FLT4: variants seen among roughly 807,000 people sequenced by gnomAD.
The protein encoded by FLT4 is fms related receptor tyrosine kinase 4, also known as vascular endothelial growth factor receptor 3.
A neutral mutation model predicts 163.2 loss-of-function variants in FLT4; 30 were observed. That is an observed-to-expected ratio of 0.18 (90% confidence interval 0.14 to 0.25). FLT4 has a LOEUF of 0.25. FLT4 is among the 10% of genes least tolerant of loss of function. The pLI, the probability that FLT4 is intolerant of heterozygous loss-of-function variation, is 1.00. For missense variants in FLT4, 1,510 were observed against 1,863.8 expected (o/e 0.81, Z 3.50); for synonymous variants, 884 against 789.5 (o/e 1.12, Z -2.01).
chr5:180,606,904 A>AAGC, intron 29 of FLT4, among the ~76,000 whole-genome samples: 1 of 122,704 alleles, frequency 8.1e-6, no homozygotes, highest in South Asian at 2.6e-4. Flanking sequence ...AAAAAAAAAA[A>AAGC]AAAAAAAAAA....
Position 180,620,776 on chromosome 5 carries a change from G to C in FLT4, c.2300-61C>G. ...TGTGTGTAAGAGCGTGCACCTGCAG[G>C]CAGCACCCCTTCTGGTGGCCACGAC... On this transcript the variant is annotated intron_variant, in intron 15 of 29. Coordinates refer to ENST00000261937, the MANE Select transcript of FLT4 (RefSeq NM_182925.5). This position sits in a 1 kb window ranked among gnomAD's most constrained non-coding sequence, Gnocchi z 4.4. The C allele has an allele frequency of 6.3e-7, 1 of 1,596,282 alleles. No individual in the cohort carries two copies. Among genetic ancestry groups the C allele is most frequent in the Non-Finnish European group, 8.6e-7 (1 of 1,166,264 alleles).
chr5:180,615,407 T>C (rs1282692273), intron 23 of FLT4, among the ~76,000 whole-genome samples: 1 of 126,278 alleles, frequency 7.9e-6, no homozygotes, highest in Non-Finnish European at 1.7e-5. Context: ...GTCCCGCTGG[T>C]CACCTCCCTT....
In FLT4 at chr5:180,620,167, C is replaced by T. The variant is rs1412266400; in HGVS notation, c.2542+6G>A. The T allele has an allele frequency of 1.2e-6, 2 of 1,604,766 alleles. No individual in the cohort carries two copies. The highest frequency in any genetic ancestry group is 8.5e-7 in the Non-Finnish European group (1 of 1,179,108). ...TGTGGGTTGGGCAGGCTGGTGCTGGCCTCACCCAGGTGCAGCCGCTCTCGG... is the reference window on the plus strand; with the variant it reads ...TGTGGGTTGGGCAGGCTGGTGCTGGTCTCACCCAGGTGCAGCCGCTCTCGG... On this transcript the variant is annotated splice_donor_region_variant and intron_variant, in intron 17 of 29. Transcript: ENST00000261937. This position sits in a 1 kb window ranked among gnomAD's most constrained non-coding sequence, Gnocchi z 4.4.
At chr5:180,647,324 C>T (rs376888701) in intron 1 of FLT4, among the ~76,000 whole-genome samples, 1 of 152,182 alleles carries the variant, frequency 6.6e-6, no homozygotes, top group Non-Finnish European at 1.5e-5. Flanking sequence ...CACACAACCT[C>T]GGGGCTTGCC....
chr5:180,622,701 A>T, intron 12 of FLT4, 30 bp downstream of exon 12: 1 of 1,426,538 alleles, frequency 7.0e-7, no homozygotes, highest in Non-Finnish European at 9.9e-7. Flanking sequence ...CCCTGTACCC[A>T]GGCCTCCCCG....
At position 180,621,869 on chromosome 5, in the gene FLT4, A is replaced by G. The variant is rs765501058; in HGVS notation, c.1693T>C (p.Ser565Pro). Residue 565 changes from serine (S) to proline (P), a missense_variant, in exon 13 of 30, where the codon TCC (serine) becomes CCC (proline). Coordinates refer to ENST00000261937, the MANE Select transcript of FLT4 (RefSeq NM_182925.5). Reference sequence around the variant, plus strand: ...GGCTGGCCCTCTAGTAGCTCCTCGGATGGCTTGGATTCGATGGTGAAGCCG... The same window carrying G: ...GGCTGGCCCTCTAGTAGCTCCTCGGGTGGCTTGGATTCGATGGTGAAGCCG... ...PDGFTIESKP[S>P]EELLEGQPVL... 1.2e-6 allele frequency: 2 copies of G among 1,613,306 alleles called. No individual in the cohort carries two copies. Among genetic ancestry groups the G allele is most frequent in the Non-Finnish European group, 1.7e-6 (2 of 1,179,958 alleles).
At chr5:180,626,340 A>G in intron 8 of FLT4, 75 bp from the exon 9 acceptor site, 6 of 1,541,304 alleles carry the variant, frequency 3.9e-6, no homozygotes, top group Non-Finnish European at 5.3e-6. Flanking sequence ...CCCCCACCCC[A>G]AATACAGTTG....
chr5:180,603,276 C>G lies in FLT4; in HGVS notation c.4008G>C (p.Glu1336Asp). 6.2e-7 allele frequency: 1 copy of G among 1,614,148 alleles called. No individual in the cohort carries two copies. Among genetic ancestry groups the G allele is most frequent in the Non-Finnish European group, 8.5e-7 (1 of 1,180,030 alleles). ...ARGGQVFYNS[E>D]YGELSEPSEE... Reference sequence around the variant, plus strand: ...CGCTTGGCTCCGACAGCTCCCCATACTCGCTGTTGTAAAACACCTGGCCTC... The same window carrying G: ...CGCTTGGCTCCGACAGCTCCCCATAGTCGCTGTTGTAAAACACCTGGCCTC... The change falls in exon 30 of 30, where the codon GAG (glutamate) becomes GAC (aspartate). Residue 1336 changes from glutamate (E) to aspartate (D), a missense_variant. By Grantham distance (45) the Glu-to-Asp change is conservative (BLOSUM62 2). Coordinates refer to ENST00000261937, the MANE Select transcript of FLT4 (RefSeq NM_182925.5).
In FLT4 at chr5:180,623,018, C is replaced by T. The variant is rs560766284; in HGVS notation, c.1549-179G>A. 1.6e-3 allele frequency among the ~76,000 whole-genome samples: 249 copies of T among 152,224 alleles called. No individual in the cohort carries two copies. The highest frequency in any genetic ancestry group is 2.9e-3 in the Non-Finnish European group (199 of 68,002). On this transcript the variant is annotated intron_variant, in intron 11 of 29. Transcript: ENST00000261937. The surrounding 1 kb of genome is among the most constrained non-coding windows in gnomAD (Gnocchi z 5.8). Reference sequence around the variant, plus strand: ...GGATAGTGAGGCAGAGGAGAGAAGGCCCCTGGGCAGCAGAGAGAGGTAGCT... The same window carrying T: ...GGATAGTGAGGCAGAGGAGAGAAGGTCCCTGGGCAGCAGAGAGAGGTAGCT...
In FLT4 at chr5:180,603,326, G is replaced by C. The variant is rs150279372; in HGVS notation, c.3958C>G (p.Arg1320Gly). The C allele has an allele frequency of 6.2e-7, 1 of 1,613,752 alleles. No individual in the cohort carries two copies. Among genetic ancestry groups the C allele is most frequent in the East Asian group, 2.2e-5 (1 of 44,892 alleles). Reference sequence around the variant, plus strand: ...CCTCGGGCCCCCCGCTCAGGCCGCCGCCGCCTCCCTTGGGAGTCAGGGTGT... The same window carrying C: ...CCTCGGGCCCCCCGCTCAGGCCGCCCCCGCCTCCCTTGGGAGTCAGGGTGT... The part of the protein sequence containing the change: ...RAHPDSQGRR[R>G]RPERGARGGQ... Residue 1320 changes from arginine to glycine, a missense_variant, in exon 30 of 30, where the codon CGG becomes GGG. Coordinates refer to ENST00000261937, the MANE Select transcript of FLT4 (RefSeq NM_182925.5).
intron 29 of FLT4, 68 bp from the exon 30 acceptor site, chr5:180,603,458 A>T: frequency 5.6e-6 from 8 of 1,432,604 alleles, no homozygotes; most frequent in African/African-American, 1.4e-5. Context: ...CATACTGGTA[A>T]TCCCAGTACT....
chr5:180,604,219 A>G (rs932310235), intron 29 of FLT4, among the ~76,000 whole-genome samples: 1 of 152,026 alleles, frequency 6.6e-6, no homozygotes, highest in Non-Finnish European at 1.5e-5. Context: ...GTCCAACTTC[A>G]TCCCCCAACC....
At chr5:180,622,679 G>T in intron 12 of FLT4, 52 bp downstream of exon 12, 3 of 1,134,136 alleles carry the variant, frequency 2.6e-6, no homozygotes, top group Non-Finnish European at 4.0e-6. Flanking sequence ...GCCCAAACCT[G>T]CCCCCTCCTG....
In FLT4 at chr5:180,621,683, C is replaced by T. The variant is rs898254186; in HGVS notation, c.1879G>A (p.Val627Met). Residue 627 changes from valine (V) to methionine (M), a missense_variant, in exon 13 of 30, where the codon GTG becomes ATG. Around this residue, in one of 5 missense-constraint regions of FLT4, gnomAD observed 878 missense variants for 1,016.7 expected, o/e 0.86. Coordinates refer to ENST00000261937, the MANE Select transcript of FLT4 (RefSeq NM_182925.5). Reference sequence around the variant, plus strand: ...GTGGCGTGGCGCGCCCCAGGTGCCACCTCCTCCAGGCTGGCGGCCAGAGGG... The same window carrying T: ...GTGGCGTGGCGCGCCCCAGGTGCCATCTCCTCCAGGCTGGCGGCCAGAGGG... ...ATPLAASLEE[V>M]APGARHATLS... 2.5e-6 allele frequency: 4 copies of T among 1,611,716 alleles called. No individual in the cohort carries two copies. Among genetic ancestry groups the T allele is most frequent in the Non-Finnish European group, 3.4e-6 (4 of 1,179,114 alleles).
Position 180,619,305 on chromosome 5 carries a change from G to A in FLT4, c.2709C>T (p.Ile903=), listed in dbSNP as rs2127808367. 2 of 1,611,296 alleles carry A rather than the reference G, an allele frequency of 1.2e-6. No homozygotes were observed. The highest frequency in any genetic ancestry group is 1.7e-6 in the Non-Finnish European group (2 of 1,179,498). ...GGTTGACCACGTTGAGGTGGTTGCC[G>A]ATGTGAATGAGGATCTTGAGCTCCG... ...LMSELKILIH[I]GNHLNVVNLL... is the part of the protein sequence containing the mutation. Residue 903 remains isoleucine, a synonymous_variant, in exon 19 of 30, where the codon ATC becomes ATT. Transcript: ENST00000261937.
At chr5:180,643,541 G>T (rs775279175) in intron 1 of FLT4, among the ~76,000 whole-genome samples, 54 of 152,096 alleles carry the variant, frequency 3.6e-4, no homozygotes, top group Admixed American at 6.5e-4. Flanking sequence ...CTTGCTCAGG[G>T]GTCAGATGAT....
At position 180,621,817 on chromosome 5, in the gene FLT4, C is replaced by T. The variant is rs2127817539; in HGVS notation, c.1745G>A (p.Ser582Asn). 2 of 1,613,364 alleles carry T rather than the reference C, an allele frequency of 1.2e-6. No homozygotes were observed. Among genetic ancestry groups the T allele is most frequent in the Non-Finnish European group, 1.7e-6 (2 of 1,179,974 alleles). ...CCAGCGCAGATGCTCGTACTTGTAG[C>T]TGTCGGCTTGGCAGCTCAGGAGCAC... ...QPVLLSCQADSYKYEHLRWYR... is the reference protein window; with the variant it reads ...QPVLLSCQADNYKYEHLRWYR... Residue 582 changes from serine to asparagine, a missense_variant, in exon 13 of 30, where the codon AGC (serine) becomes AAC (asparagine). Transcript: ENST00000261937.
At chr5:180,645,086 G>A (rs1231091145) in intron 1 of FLT4, among the ~76,000 whole-genome samples, 1 of 152,246 alleles carries the variant, frequency 6.6e-6, no homozygotes, top group Admixed American at 6.5e-5. Context: ...AGCAGGAAGG[G>A]CCGGTACCAC....
At chr5:180,645,829 C>A (rs1765464287) in intron 1 of FLT4, among the ~76,000 whole-genome samples, 1 of 152,194 alleles carries the variant, frequency 6.6e-6, no homozygotes, top group Admixed American at 6.5e-5. Context: ...ACTCAGGAAT[C>A]CCTGGCTCCA....
Sources: allele counts gnomAD v4.1 joint callset (sites outside exome capture counted in the v4.1 genomes callset), GRCh38; gene constraint gnomAD v4.1.1; regional missense constraint gnomAD v4.1.1; non-coding constraint Gnocchi (gnomAD v3.1); transcripts MANE v1.5; gene names NCBI Gene and HGNC (gene_info 2026-07-23, HGNC 2026-07-21).